The following TBC1D5 variants were observed in gnomAD, a reference collection of about 807,000 sequenced individuals.
The protein encoded by TBC1D5 is TBC1 domain family member 5.
In TBC1D5, 75 loss-of-function variants were observed where a neutral mutation model predicts 100.3. The observed-to-expected ratio is 0.75, with a 90% CI of 0.62 to 0.91. TBC1D5 has a LOEUF of 0.91. TBC1D5 is among the 40% of genes least tolerant of loss of function. The pLI, the probability that TBC1D5 is intolerant of heterozygous loss-of-function variation, is 0.00. For synonymous variants in TBC1D5, 323 were observed against 325.6 expected (o/e 0.99, Z 0.09); for missense variants, 910 against 942.4 (o/e 0.97, Z 0.45).
exon 22 of TBC1D5, chr3:17,160,586 A>AT (rs1455960023): frequency 4.6e-5 from 9 of 194,614 alleles, no homozygotes; most frequent in Non-Finnish European, 9.6e-5. Context: ...CCTTCTAAGT[A>AT]TAACTGATGG....
intron 13 of TBC1D5, among the ~76,000 whole-genome samples, chr3:17,324,967 A>T (rs1400386801): frequency 6.6e-6 from 1 of 152,216 alleles, no homozygotes; most frequent in Non-Finnish European, 1.5e-5. Context: ...CAAGGATACA[A>T]AGTAATTGAA....
chr3:17,622,570 T>C (rs980825390), intron 2 of TBC1D5: 2 of 143,412 alleles, frequency 1.4e-5, no homozygotes, highest in Middle Eastern at 3.4e-3. Context: ...AAAATTAAGA[T>C]TTTTTTTTTC....
intron 2 of TBC1D5, among the ~76,000 whole-genome samples, chr3:17,613,218 T>C (rs1255627930): frequency 6.6e-6 from 1 of 152,190 alleles, no homozygotes; most frequent in Non-Finnish European, 1.5e-5. Flanking sequence ...CATGAACTCA[T>C]CATTGTTTAT....
At chr3:17,606,035 G>A (rs1054607223) in intron 2 of TBC1D5, among the ~76,000 whole-genome samples, 1 of 152,152 alleles carries the variant, frequency 6.6e-6, no homozygotes, top group African/African-American at 2.4e-5. Context: ...CGCAAATAAA[G>A]TAGGTCTCTC....
chr3:17,176,038 G>A (rs2125317635), intron 19 of TBC1D5, among the ~76,000 whole-genome samples: 1 of 152,340 alleles, frequency 6.6e-6, no homozygotes, highest in Admixed American at 6.5e-5. Flanking sequence ...AGTTGGGACT[G>A]GAGAACATGG....
chr3:17,736,784 G>A (rs745935411), intron 1 of TBC1D5, among the ~76,000 whole-genome samples: 1 of 152,134 alleles, frequency 6.6e-6, no homozygotes, highest in Non-Finnish European at 1.5e-5. Context: ...AGCTGGGGCG[G>A]GTGGATCACC....
chr3:17,297,559 G>A (rs1222037437), intron 14 of TBC1D5, among the ~76,000 whole-genome samples: 1 of 147,520 alleles, frequency 6.8e-6, no homozygotes, highest in African/African-American at 2.5e-5. Flanking sequence ...CTGGGTGACA[G>A]AGCGAGACTC....
chr3:17,638,498 T>C (rs1413712081), intron 1 of TBC1D5, among the ~76,000 whole-genome samples: 1 of 152,160 alleles, frequency 6.6e-6, no homozygotes, highest in Non-Finnish European at 1.5e-5. Context: ...TCTTATTTTC[T>C]GTGGAAGCAA....
intron 2 of TBC1D5, among the ~76,000 whole-genome samples, chr3:17,576,746 A>G (rs1308018901): frequency 6.6e-5 from 10 of 151,996 alleles, no homozygotes; most frequent in Non-Finnish European, 1.2e-4. Context: ...TCTCCCTTCA[A>G]AGTACCCATT....
intron 1 of TBC1D5, among the ~76,000 whole-genome samples, chr3:17,652,410 T>A (rs1229584514): frequency 6.6e-6 from 1 of 152,162 alleles, no homozygotes; most frequent in Non-Finnish European, 1.5e-5. Context: ...TTTAAAAGTA[T>A]AAAATGCTTC....
chr3:17,362,758 C>T (rs544201435), intron 13 of TBC1D5, among the ~76,000 whole-genome samples: 1 of 152,310 alleles, frequency 6.6e-6, no homozygotes, highest in African/African-American at 2.4e-5. Flanking sequence ...AGGCATGAGC[C>T]ACTGCGCAAG....
intron 16 of TBC1D5, among the ~76,000 whole-genome samples, chr3:17,254,619 G>A (rs2077468729): frequency 6.6e-6 from 1 of 152,060 alleles, no homozygotes; most frequent in Non-Finnish European, 1.5e-5. Flanking sequence ...TCCCAAGTAT[G>A]TGACTTGCCT....
At chr3:17,487,650 T>C (rs2095587210) in intron 3 of TBC1D5, among the ~76,000 whole-genome samples, 1 of 152,182 alleles carries the variant, frequency 6.6e-6, no homozygotes, top group Non-Finnish European at 1.5e-5. Flanking sequence ...TCTAATAATT[T>C]GTAATTTCAA....
intron 1 of TBC1D5, 55 bp from the exon 2 acceptor site, chr3:17,623,968 C>G (rs1042432401): frequency 1.3e-5 from 2 of 150,740 alleles, no homozygotes; most frequent in African/African-American, 4.9e-5. Context: ...TTTTTAAATA[C>G]AAAGTAGATC....
intron 21 of TBC1D5, among the ~76,000 whole-genome samples, chr3:17,162,645 C>T (rs532505184): frequency 6.0e-5 from 9 of 149,500 alleles, no homozygotes; most frequent in South Asian, 2.1e-4. Context: ...ACATAGCACA[C>T]GGTAGTCTGA....
At chr3:17,317,517 A>G (rs916310108) in intron 13 of TBC1D5, among the ~76,000 whole-genome samples, 3 of 152,216 alleles carry the variant, frequency 2.0e-5, no homozygotes, top group Non-Finnish European at 4.4e-5. Flanking sequence ...TGGAAACAAA[A>G]GAGTTAAGGA....
intron 1 of TBC1D5, among the ~76,000 whole-genome samples, chr3:17,681,282 T>C (rs1182360910): frequency 6.6e-6 from 1 of 151,674 alleles, no homozygotes; most frequent in Non-Finnish European, 1.5e-5. Context: ...ATAAGATTTA[T>C]TGCACAAGAA....
intron 9 of TBC1D5, among the ~76,000 whole-genome samples, chr3:17,383,330 A>C (rs536092535): frequency 5.1e-4 from 77 of 151,830 alleles, no homozygotes; most frequent in Non-Finnish European, 8.5e-4. Flanking sequence ...AGAACACCAT[A>C]AACTTAAATA....
At chr3:17,481,043 C>G (rs1443123934) in intron 3 of TBC1D5, among the ~76,000 whole-genome samples, 1 of 152,188 alleles carries the variant, frequency 6.6e-6, no homozygotes, top group African/African-American at 2.4e-5. Context: ...GTCAGGGGCT[C>G]CCTGAACCAG....
Sources: gnomAD v4.1 joint callset for allele counts (sites outside exome capture counted in the v4.1 genomes callset) on GRCh38, gnomAD v4.1.1 for gene constraint, MANE v1.5 for transcripts, NCBI Gene and HGNC (gene_info 2026-07-23, HGNC 2026-07-21) for gene names.